Variants in FARS2 observed in about 807,000 individuals in gnomAD.
FARS2 encodes phenylalanine--tRNA ligase, mitochondrial.
In FARS2, 40 loss-of-function variants were observed where a neutral mutation model predicts 46.4. The observed-to-expected ratio is 0.86, with a 90% CI of 0.67 to 1.12. FARS2 has a LOEUF of 1.12. FARS2 is among the 50% of genes most tolerant of loss of function. FARS2 has a pLI of 0.00. For synonymous variants in FARS2, 234 were observed against 214.9 expected (o/e 1.09, Z -0.78); for missense variants, 513 against 567.9 (o/e 0.90, Z 0.98).
At chr6:5,256,908 G>T (rs1365144186), upstream of FARS2, among the ~76,000 whole-genome samples, 2 of 152,062 alleles carry the variant, frequency 1.3e-5, no homozygotes, top group Non-Finnish European at 2.9e-5. Context: ...ACTCTGCTTG[G>T]ATTCTCTTCT....
intron 1 of FARS2, among the ~76,000 whole-genome samples, chr6:5,268,770 C>T (rs1174333376): frequency 1.3e-5 from 2 of 152,096 alleles, no homozygotes; most frequent in Admixed American, 1.3e-4. Context: ...GGGGATGGCA[C>T]TGAATCTATA....
intron 1 of FARS2, among the ~76,000 whole-genome samples, chr6:5,263,014 C>T (rs755078482): frequency 5.3e-5 from 8 of 152,108 alleles, no homozygotes; most frequent in Non-Finnish European, 5.9e-5. Flanking sequence ...AAATGATATG[C>T]GGCACCTCAA....
chr6:5,766,693 A>G (rs575974509), intron 6 of FARS2, among the ~76,000 whole-genome samples: 1 of 152,296 alleles, frequency 6.6e-6, no homozygotes, highest in East Asian at 1.9e-4. Context: ...AACATTAACC[A>G]TTTTTTAAAG....
chr6:5,650,544 G>A (rs991786050), intron 6 of FARS2, among the ~76,000 whole-genome samples: 8 of 152,218 alleles, frequency 5.3e-5, no homozygotes, highest in African/African-American at 1.7e-4. Context: ...GCAGAGGTGC[G>A]ATCTCAGCTC....
At chr6:5,320,957 G>A (rs1769926487) in intron 1 of FARS2, among the ~76,000 whole-genome samples, 1 of 152,144 alleles carries the variant, frequency 6.6e-6, no homozygotes, top group Admixed American at 6.5e-5. Context: ...CATTCATGAG[G>A]GCTCTGCCAT....
intron 4 of FARS2, among the ~76,000 whole-genome samples, chr6:5,505,647 C>T (rs1046422930): frequency 6.6e-6 from 1 of 152,208 alleles, no homozygotes; most frequent in East Asian, 1.9e-4. Context: ...GGGTCCCTGA[C>T]TTCCCGCAAC....
intron 5 of FARS2, among the ~76,000 whole-genome samples, chr6:5,606,891 C>T (rs1029633645): frequency 6.6e-6 from 1 of 152,108 alleles, no homozygotes; most frequent in Admixed American, 6.5e-5. Context: ...AGTAAACCTG[C>T]CCAGTCTTTG....
intron 4 of FARS2, among the ~76,000 whole-genome samples, chr6:5,494,964 G>T (rs1368809011): frequency 2.6e-5 from 4 of 152,202 alleles, no homozygotes; most frequent in Admixed American, 2.6e-4. Context: ...AAATGAACAT[G>T]TTGGCCTATT....
Position 5,293,681 on chromosome 6 carries a change from A to AT in FARS2, c.-22+32029dup, listed in dbSNP as rs1219345247. The stretch of plus-strand genomic sequence containing the variant: ...AAACAAATTAGAAACTCCATGTACG[A>AT]TTTTTTTTGTTGTCGTTGTTCATCA... On this transcript the variant is annotated intron_variant, in intron 1 of 6. Transcript: ENST00000274680. 5.3e-5 allele frequency among the ~76,000 whole-genome samples: 8 copies of AT among 152,006 alleles called. No homozygotes were observed. The South Asian group carries it at 6.2e-4, about 12-fold the overall frequency.
chr6:5,428,388 G>A lies in FARS2; in HGVS notation c.773-2653G>A, dbSNP rs189400491. On this transcript the variant is annotated intron_variant, in intron 3 of 6. Transcript: ENST00000274680. ...ACTGTGTTCCAAGCATTTAGGTAAT[G>A]TTTAATTACATAAAATTAATTATAT... Among the ~76,000 whole-genome samples, 552 of 152,178 alleles carry A rather than the reference G, an allele frequency of 3.6e-3. 4 individuals carry two copies. The highest frequency in any genetic ancestry group is 0.013 in the African/African-American group (523 of 41,528).
intron 5 of FARS2, among the ~76,000 whole-genome samples, chr6:5,593,242 G>A (rs540396624): frequency 2.2e-4 from 33 of 152,134 alleles, no homozygotes; most frequent in Non-Finnish European, 3.8e-4. Context: ...ACGCAAAGCC[G>A]TGTCTCTTGG....
At chr6:5,333,893 T>A (rs550242312) in intron 1 of FARS2, among the ~76,000 whole-genome samples, 1 of 152,310 alleles carries the variant, frequency 6.6e-6, no homozygotes, top group Admixed American at 6.5e-5. Context: ...TGACTCATCA[T>A]TAAATATCCA....
chr6:5,254,844 G>C, the FARS2 span, among the ~76,000 whole-genome samples: 1 of 152,120 alleles, frequency 6.6e-6, no homozygotes, highest in East Asian at 1.9e-4. Context: ...GTGGGGTCCT[G>C]CTCTATCGGT....
intron 6 of FARS2, among the ~76,000 whole-genome samples, chr6:5,687,135 C>T (rs1757296576): frequency 6.6e-6 from 1 of 152,224 alleles, no homozygotes; most frequent in African/African-American, 2.4e-5. Flanking sequence ...AAATTTTCTC[C>T]CATTTTGTAG....
chr6:5,545,306 G>A lies in FARS2; in HGVS notation c.1031G>A (p.Cys344Tyr), dbSNP rs758960844. The A allele has an allele frequency of 3.1e-6, 5 of 1,613,908 alleles. No individual in the cohort carries two copies. Among genetic ancestry groups the A allele is most frequent in the Non-Finnish European group, 4.2e-6 (5 of 1,179,936 alleles). The change falls in exon 5 of 7, where the codon TGT becomes TAT. Residue 344 changes from cysteine to tyrosine, a missense_variant. By Grantham distance (194) the Cys-to-Tyr change is radical. Transcript: ENST00000274680. ...GACGAGCGCTTCCTGAAGCAGTTCTGTGTATCCAACATTAATCAGAAGGTG... is the reference window on the plus strand; with the variant it reads ...GACGAGCGCTTCCTGAAGCAGTTCTATGTATCCAACATTAATCAGAAGGTG... Reference protein sequence around the residue: ...CEDERFLKQFCVSNINQKVKF... With the variant: ...CEDERFLKQFYVSNINQKVKF...
At chr6:5,692,677 A>G (rs901812555) in intron 6 of FARS2, among the ~76,000 whole-genome samples, 5 of 152,272 alleles carry the variant, frequency 3.3e-5, no homozygotes, top group Admixed American at 1.3e-4. Flanking sequence ...GGAATATGAA[A>G]TTATTTCTAT....
intron 1 of FARS2, among the ~76,000 whole-genome samples, chr6:5,269,329 G>A (rs2127820320): frequency 6.6e-6 from 1 of 151,486 alleles, no homozygotes; most frequent in Admixed American, 6.6e-5. Flanking sequence ...CGCACACCGG[G>A]GCCTGTGGTG....
chr6:5,604,987 T>C (rs1378663487), intron 5 of FARS2, among the ~76,000 whole-genome samples: 1 of 152,204 alleles, frequency 6.6e-6, no homozygotes, highest in Non-Finnish European at 1.5e-5. Context: ...TTTCATATCC[T>C]CGGGGAGACC....
At chr6:5,251,932 T>C in the FARS2 span, among the ~76,000 whole-genome samples, 1 of 152,208 alleles carries the variant, frequency 6.6e-6, no homozygotes, top group Admixed American at 6.5e-5. Context: ...CGACTGGTAA[T>C]ATATTAAAGA....
Sources: allele counts gnomAD v4.1 joint callset (sites outside exome capture counted in the v4.1 genomes callset), GRCh38; gene constraint gnomAD v4.1.1; transcripts MANE v1.5; gene names NCBI Gene and HGNC (gene_info 2026-07-23, HGNC 2026-07-21).